Variants in SLC47A1 observed in about 807,000 individuals in gnomAD.
SLC47A1 encodes multidrug and toxin extrusion protein 1.
SLC47A1 carries 58 observed loss-of-function variants against 65.8 expected under a neutral mutation model. The observed-to-expected ratio is 0.88, with a 90% CI of 0.71 to 1.10. The LOEUF is 1.10. Ranked by LOEUF, SLC47A1 falls within the 50% of genes least tolerant of loss-of-function variation. The pLI is 0.00. For synonymous variants in SLC47A1, 285 were observed against 295.0 expected, an observed-to-expected ratio of 0.97 and a Z score of 0.35; for missense variants, 706 against 719.2, an observed-to-expected ratio of 0.98 and a Z score of 0.21.
intron 16 of SLC47A1, among the ~76,000 whole-genome samples, chr17:19,574,184 A>G (rs1283885852): frequency 6.6e-6 from 1 of 151,972 alleles, no homozygotes; most frequent in African/African-American, 2.4e-5. Flanking sequence ...CGGCCCCCCA[A>G]AGTGCTGGGA....
rs1411320580 is a variant in SLC47A1 at position 19,578,204 on chromosome 17, A to G, written c.*651A>G. ...ATCTAGGCACTGTGGACACTGAAAAACAGTTGGGAAATCTTTCGAGCTGTG... is the reference window on the plus strand; with the variant it reads ...ATCTAGGCACTGTGGACACTGAAAAGCAGTTGGGAAATCTTTCGAGCTGTG... On this transcript the variant is annotated 3_prime_UTR_variant, in exon 17 of 17. Coordinates refer to ENST00000270570, the MANE Select transcript of SLC47A1 (RefSeq NM_018242.3). 7 of 355,312 alleles carry G rather than the reference A, an allele frequency of 2.0e-5. No homozygotes were observed. The highest frequency in any genetic ancestry group is 3.9e-5 in the Non-Finnish European group (7 of 180,300). The allele number at this position is 355,312 out of a possible 1,614,324, so 22.0% of individuals were successfully genotyped here. A position where few individuals can be genotyped will look rare whatever the true frequency, so the allele number is the denominator to read the frequency against.
In SLC47A1 at chr17:19,548,126, G is replaced by A. The variant is rs748843218; in HGVS notation, c.448G>A (p.Val150Met). Residue 150 changes from valine to methionine, a missense_variant, in exon 4 of 17, where the codon GTG becomes ATG. Transcript: ENST00000270570. Reference sequence around the variant, plus strand: ...GCTGCTCTTCAGGCAGGACCCAGATGTGTCCAGGTAAGATGGAACCTGTCG... The same window carrying A: ...GCTGCTCTTCAGGCAGGACCCAGATATGTCCAGGTAAGATGGAACCTGTCG... ...ILLLFRQDPD[V>M]SRLTQTYVTI... 7 of 1,613,224 alleles carry A rather than the reference G, an allele frequency of 4.3e-6. No individual in the cohort carries two copies. The highest frequency in any genetic ancestry group is 5.9e-6 in the Non-Finnish European group (7 of 1,179,844).
At chr17:19,545,311 CAGCCTCCTGAGT>C (rs1916257177) in intron 2 of SLC47A1, among the ~76,000 whole-genome samples, 1 of 152,008 alleles carries the variant, frequency 6.6e-6, no homozygotes, top group African/African-American at 2.4e-5. Flanking sequence ...TCTCCTGCCT[CAGCCTCCTGAGT>C]AGCTGGGAAT....
chr17:19,542,894 C>T (rs75841359), intron 2 of SLC47A1, among the ~76,000 whole-genome samples: 15 of 150,484 alleles, frequency 1.0e-4, no homozygotes, highest in African/African-American at 2.9e-4. Flanking sequence ...CAGGTTCAAG[C>T]GATTCTCCTG....
intron 1 of SLC47A1, among the ~76,000 whole-genome samples, chr17:19,540,205 G>T (rs539711271): frequency 4.4e-4 from 67 of 152,214 alleles, no homozygotes; most frequent in Admixed American, 9.8e-4. Flanking sequence ...ATTTGTGATG[G>T]TAAGATCTGG....
At chr17:19,547,228 G>C (rs1315333841) in intron 3 of SLC47A1, among the ~76,000 whole-genome samples, 1 of 152,062 alleles carries the variant, frequency 6.6e-6, no homozygotes, top group Non-Finnish European at 1.5e-5. Context: ...ATTTTTTGTA[G>C]AGATAGGGTT....
At chr17:19,550,046 A>T (rs1176496432) in intron 5 of SLC47A1, among the ~76,000 whole-genome samples, 2 of 152,212 alleles carry the variant, frequency 1.3e-5, no homozygotes, top group Non-Finnish European at 2.9e-5. Context: ...GACCACACAG[A>T]ACCTTAAGCA....
chr17:19,556,595 G>T (rs1364742742), intron 10 of SLC47A1, among the ~76,000 whole-genome samples: 1 of 137,840 alleles, frequency 7.3e-6, no homozygotes. Flanking sequence ...TCCCACTCTT[G>T]TTGCCCTGGC....
chr17:19,555,294 T>G lies in SLC47A1; in HGVS notation c.626T>G (p.Leu209Arg). The G allele has an allele frequency of 6.2e-7, 1 of 1,614,196 alleles. No homozygotes were observed. Among genetic ancestry groups the G allele is most frequent in the Non-Finnish European group, 8.5e-7 (1 of 1,180,014 alleles). The change falls in exon 7 of 17, where the codon CTG (leucine) becomes CGG (arginine). Residue 209 changes from leucine (L) to arginine (R), a missense_variant. By Grantham distance (102) the Leu-to-Arg change is moderately radical (BLOSUM62 -2). Transcript: ENST00000270570. ...ALANYLFLHQLHLGVIGSALA... is the reference protein window; with the variant it reads ...ALANYLFLHQRHLGVIGSALA... Reference sequence around the variant, plus strand: ...GCCAACTATCTGTTTCTCCATCAACTGCATCTTGGGGTGATGTGAGTCCAA... The same window carrying G: ...GCCAACTATCTGTTTCTCCATCAACGGCATCTTGGGGTGATGTGAGTCCAA...
chr17:19,545,568 G>A (rs1245377084), intron 2 of SLC47A1, among the ~76,000 whole-genome samples: 2 of 151,876 alleles, frequency 1.3e-5, no homozygotes, highest in Non-Finnish European at 2.9e-5. Context: ...TCAGTTCACT[G>A]TAACCTCTGC....
At chr17:19,556,184 C>G (rs1916604602) in intron 10 of SLC47A1, 122 bp downstream of exon 10, 3 of 1,142,726 alleles carry the variant, frequency 2.6e-6, no homozygotes, top group Non-Finnish European at 3.8e-6. Context: ...GGACAAAAGT[C>G]AAATCCCATC....
chr17:19,554,982 C>T (rs1317569363), intron 6 of SLC47A1, among the ~76,000 whole-genome samples: 1 of 152,108 alleles, frequency 6.6e-6, no homozygotes, highest in African/African-American at 2.4e-5. Flanking sequence ...TTGCCTGTGT[C>T]TCTCTGTGGC....
chr17:19,557,960 A>G, intron 10 of SLC47A1: 1 of 235,904 alleles, frequency 4.2e-6, no homozygotes, highest in Non-Finnish European at 8.7e-6. Flanking sequence ...TCTTTTGAAT[A>G]TATTTCCATA....
intron 10 of SLC47A1, 82 bp downstream of exon 10, chr17:19,556,144 C>A: frequency 2.1e-6 from 3 of 1,445,576 alleles, no homozygotes; most frequent in Non-Finnish European, 2.9e-6. Context: ...TGAGCACAGG[C>A]ATTCGTACAT....
chr17:19,556,873 AG>A (rs1239179617), intron 10 of SLC47A1, among the ~76,000 whole-genome samples: 1 of 152,216 alleles, frequency 6.6e-6, no homozygotes, highest in Non-Finnish European at 1.5e-5. Context: ...CTGTGTTCAC[AG>A]GAGCATTATT....
intron 12 of SLC47A1, among the ~76,000 whole-genome samples, chr17:19,563,591 A>G (rs1462878635): frequency 2.0e-5 from 3 of 152,334 alleles, no homozygotes; most frequent in Non-Finnish European, 4.4e-5. Flanking sequence ...TGAAGCAAAT[A>G]TAACATTGGT....
chr17:19,553,785 A>C (rs1348764171), intron 6 of SLC47A1, among the ~76,000 whole-genome samples: 1 of 151,590 alleles, frequency 6.6e-6, no homozygotes, highest in East Asian at 1.9e-4. Context: ...CAGGTGATCC[A>C]CTCGCCTTGG....
chr17:19,560,692 A>AACCTAGTAG (rs2084302113), intron 12 of SLC47A1, among the ~76,000 whole-genome samples, 199 bp downstream of exon 12: 1 of 152,106 alleles, frequency 6.6e-6, no homozygotes, highest in East Asian at 1.9e-4. Flanking sequence ...CAGCCTGACC[A>AACCTAGTAG]ACATGGTGAA....
intron 2 of SLC47A1, among the ~76,000 whole-genome samples, chr17:19,544,290 G>C (rs536868610): frequency 1.3e-5 from 2 of 152,332 alleles, no homozygotes; most frequent in South Asian, 2.1e-4. Flanking sequence ...ACAATCCCAG[G>C]CTTAATTATC....
Sources: gnomAD v4.1 joint callset for allele counts (sites outside exome capture counted in the v4.1 genomes callset) on GRCh38, gnomAD v4.1.1 for gene constraint, MANE v1.5 for transcripts, NCBI Gene and HGNC (gene_info 2026-07-23, HGNC 2026-07-21) for gene names.